The following PLXDC2 variants were observed in gnomAD, a reference collection of about 807,000 sequenced individuals.
The protein encoded by PLXDC2 is plexin domain-containing protein 2.
In PLXDC2, 40 loss-of-function variants were observed where a neutral mutation model predicts 68.9. The ratio of observed to expected loss-of-function variants is 0.58; its 90% CI spans 0.45 to 0.76. PLXDC2 has a LOEUF of 0.76. PLXDC2 is among the 30% of genes least tolerant of loss of function. The probability of loss-of-function intolerance (pLI) is 0.00; values close to 1 mark genes in which losing one functional copy is unlikely to be tolerated. For missense variants in PLXDC2, 644 were observed against 661.9 expected (o/e 0.97, Z 0.30); for synonymous variants, 243 against 234.2 (o/e 1.04, Z -0.34).
chr10:20,167,528 T>A (rs1834390973), intron 7 of PLXDC2, among the ~76,000 whole-genome samples: 1 of 152,152 alleles, frequency 6.6e-6, no homozygotes, highest in African/African-American at 2.4e-5. Flanking sequence ...ATTGTCTTTG[T>A]AGGGAATTTA....
intron 1 of PLXDC2, among the ~76,000 whole-genome samples, chr10:19,929,578 T>G (rs1323063787): frequency 6.6e-6 from 1 of 152,338 alleles, no homozygotes; most frequent in Middle Eastern, 3.4e-3. Flanking sequence ...TCCTTCTGAC[T>G]TGGAAGCTAT....
chr10:20,198,177 G>C lies in PLXDC2; in HGVS notation c.1062-13492G>C, dbSNP rs1385069738. ...GTGAGTAGGATGGGAGGGTAAAAGG[G>C]AATATGGTAAAACAGAAGACAAGCA... On this transcript the variant is annotated intron_variant, in intron 9 of 13. Transcript: ENST00000377252. 2.0e-5 allele frequency among the ~76,000 whole-genome samples: 3 copies of C among 152,196 alleles called. No homozygotes were observed. In the East Asian group the frequency reaches 5.8e-4, roughly 29 times the overall value.
intron 4 of PLXDC2, among the ~76,000 whole-genome samples, chr10:20,083,583 T>C (rs1316363778): frequency 6.6e-6 from 1 of 152,212 alleles, no homozygotes; most frequent in African/African-American, 2.4e-5. Flanking sequence ...CTGCAGTGTA[T>C]GTATTTGTTT....
At chr10:20,190,058 A>T (rs1352797986) in intron 9 of PLXDC2, among the ~76,000 whole-genome samples, 1 of 151,886 alleles carries the variant, frequency 6.6e-6, no homozygotes, top group Non-Finnish European at 1.5e-5. Flanking sequence ...CCATTTGGCA[A>T]ACTGGAGATA....
intron 1 of PLXDC2, among the ~76,000 whole-genome samples, chr10:19,978,285 G>A (rs1222445959): frequency 2.6e-5 from 4 of 152,228 alleles, no homozygotes; most frequent in East Asian, 3.9e-4. Context: ...AGATTCTTCT[G>A]ACTCTCAAAT....
rs182544251 is a variant in PLXDC2, at chr10:20,187,837, G to C, written c.1061+10428G>C. On this transcript the variant is annotated intron_variant, in intron 9 of 13. Coordinates refer to ENST00000377252, the MANE Select transcript of PLXDC2 (RefSeq NM_032812.9). ...AGAAATATTAAAAGAGCTGGGTTGA[G>C]TGTAAACATGTATTTTAAATGTCTT... 5.3e-5 allele frequency among the ~76,000 whole-genome samples: 8 copies of C among 151,954 alleles called. No homozygotes were observed. The East Asian group carries it at 1.6e-3, about 29-fold the overall frequency.
chr10:20,236,282 A>T (rs1588535081), intron 12 of PLXDC2, among the ~76,000 whole-genome samples: 1 of 151,964 alleles, frequency 6.6e-6, no homozygotes, highest in African/African-American at 2.4e-5. Flanking sequence ...TCTCTACTAA[A>T]AGTACAAAAA....
chr10:19,844,716 C>T (rs1350364947), intron 1 of PLXDC2, among the ~76,000 whole-genome samples: 1 of 152,102 alleles, frequency 6.6e-6, no homozygotes, highest in Non-Finnish European at 1.5e-5. Flanking sequence ...CCACCTCAGC[C>T]TCCTGAGTAG....
At chr10:19,976,395 A>C (rs750794321) in intron 1 of PLXDC2, among the ~76,000 whole-genome samples, 1 of 151,952 alleles carries the variant, frequency 6.6e-6, no homozygotes, top group Non-Finnish European at 1.5e-5. Flanking sequence ...TTGTAGTTTT[A>C]GTAGAGATAG....
At chr10:19,974,273 C>T (rs1031504609) in intron 1 of PLXDC2, among the ~76,000 whole-genome samples, 31 of 152,244 alleles carry the variant, frequency 2.0e-4, no homozygotes, top group African/African-American at 7.0e-4. Flanking sequence ...GTTCCACAAT[C>T]TTCAACAAAA....
At chr10:19,871,849 G>A (rs150903364) in intron 1 of PLXDC2, among the ~76,000 whole-genome samples, 6,698 of 145,780 alleles carry the variant, frequency 0.046, 193 homozygotes, top group Middle Eastern at 0.11. Flanking sequence ...TCACGCCACC[G>A]CACTCCAGCC....
intron 1 of PLXDC2, among the ~76,000 whole-genome samples, chr10:19,900,429 T>G (rs1216431888): frequency 6.6e-6 from 1 of 152,078 alleles, no homozygotes; most frequent in Admixed American, 6.6e-5. Context: ...TGAAAATGTA[T>G]GCCATTTCTT....
At chr10:20,118,251 G>T (rs10458694) in intron 4 of PLXDC2, among the ~76,000 whole-genome samples, 2 of 151,830 alleles carry the variant, frequency 1.3e-5, no homozygotes, top group Non-Finnish European at 2.9e-5. Context: ...TGTTCAAATC[G>T]TAGGGCATAT....
chr10:20,160,286 G>A (rs1834273672), intron 6 of PLXDC2, among the ~76,000 whole-genome samples: 1 of 152,052 alleles, frequency 6.6e-6, no homozygotes, highest in Admixed American at 6.6e-5. Flanking sequence ...TATGGTAGTG[G>A]TGGTTTGACA....
chr10:20,213,539 CT>C (rs1835097568), intron 10 of PLXDC2, among the ~76,000 whole-genome samples: 1 of 151,964 alleles, frequency 6.6e-6, no homozygotes, highest in Admixed American at 6.6e-5. Flanking sequence ...TTAAACTCAC[CT>C]TGTCGAGATC....
Position 20,001,898 on chromosome 10 carries a change from G to C in PLXDC2, c.236G>C (p.Arg79Pro), listed in dbSNP as rs745577270. Reference protein sequence around the residue: ...LDFLKAVDTNRASVGQDSPEP... With the variant: ...LDFLKAVDTNPASVGQDSPEP... Reference sequence around the variant, plus strand: ...TTTCTCAAGGCGGTAGACACGAACCGAGCAAGCGTCGGCCAAGACTCTCCT... The same window carrying C: ...TTTCTCAAGGCGGTAGACACGAACCCAGCAAGCGTCGGCCAAGACTCTCCT... The change falls in exon 2 of 14, where the codon CGA (arginine) becomes CCA (proline). Residue 79 changes from arginine (R) to proline (P), a missense_variant. By Grantham distance (103) the Arg-to-Pro change is moderately radical. This residue lies in a region of PLXDC2 where 201 missense variants were observed against 166.9 expected (regional missense o/e 1.20). Coordinates refer to ENST00000377252, the MANE Select transcript of PLXDC2 (RefSeq NM_032812.9). 3 of 1,613,640 alleles carry C rather than the reference G, an allele frequency of 1.9e-6. No homozygotes were observed. The highest frequency in any genetic ancestry group is 1.3e-5 in the African/African-American group (1 of 74,880).
At position 20,058,636 on chromosome 10, in the gene PLXDC2, GA is replaced by G. The variant is rs1411312968; in HGVS notation, c.472-9531del. The stretch of plus-strand genomic sequence containing the variant: ...ATGGAAATTAGGGAGTTTGTTCTCT[GA>G]AAGGCAGATTGTTAGCAACTGAGAA... On this transcript the variant is annotated intron_variant, in intron 3 of 13. Coordinates refer to ENST00000377252, the MANE Select transcript of PLXDC2 (RefSeq NM_032812.9). Among the ~76,000 whole-genome samples the G allele has an allele frequency of 2.0e-5, 3 of 152,244 alleles. 1 individual carries two copies. The highest frequency in any genetic ancestry group is 7.2e-5 in the African/African-American group (3 of 41,564).
chr10:20,091,824 C>T lies in PLXDC2; in HGVS notation c.541+23585C>T, dbSNP rs118121266. 6.7e-3 allele frequency: 1,014 copies of T among 152,466 alleles called. 11 individuals carry two copies. The highest frequency in any genetic ancestry group is 0.024 in the South Asian group (116 of 4,816). The allele number at this position is 152,466 out of a possible 1,614,324, so 9.4% of individuals were successfully genotyped here. On this transcript the variant is annotated intron_variant, in intron 4 of 13. Transcript: ENST00000377252. Reference sequence around the variant, plus strand: ...CCCCCAAGACTGAGTTCCATATTACCGGACTACTCTCTCTAGTACCTGCTC... The same window carrying T: ...CCCCCAAGACTGAGTTCCATATTACTGGACTACTCTCTCTAGTACCTGCTC...
At chr10:19,923,063 G>GT (rs1421722473) in intron 1 of PLXDC2, among the ~76,000 whole-genome samples, 1 of 151,136 alleles carries the variant, frequency 6.6e-6, no homozygotes, top group African/African-American at 2.4e-5. Flanking sequence ...ATTGGCTTAT[G>GT]TTTAAAAAAA....
Sources: allele counts gnomAD v4.1 joint callset (sites outside exome capture counted in the v4.1 genomes callset), GRCh38; gene constraint gnomAD v4.1.1; regional missense constraint gnomAD v4.1.1; transcripts MANE v1.5; gene names NCBI Gene and HGNC (gene_info 2026-07-23, HGNC 2026-07-21).